Variants in CHST11 observed in about 807,000 individuals in gnomAD.
The protein encoded by CHST11 is carbohydrate sulfotransferase 11.
Under a neutral mutation model 30.4 loss-of-function variants are expected in CHST11, and 9 were observed. The ratio of observed to expected loss-of-function variants is 0.30; its 90% CI spans 0.18 to 0.52. The LOEUF (loss-of-function observed/expected upper bound fraction) is 0.52, where lower values mean the gene tolerates loss of function less well. Among genes scored for constraint, CHST11 ranks in the 20% least tolerant of loss-of-function variants. The probability of loss-of-function intolerance (pLI) is 0.97; values close to 1 mark genes in which losing one functional copy is unlikely to be tolerated. For missense variants in CHST11, 348 were observed against 460.6 expected (o/e 0.76, Z 2.24); for synonymous variants, 152 against 187.8 (o/e 0.81, Z 1.56).
chr12:104,711,707 GC>G (rs1162966530), intron 2 of CHST11, among the ~76,000 whole-genome samples: 1 of 151,806 alleles, frequency 6.6e-6, no homozygotes, highest in East Asian at 1.9e-4. Context: ...GACAAGTGAT[GC>G]TTTAAAAATT....
chr12:104,523,658 G>T (rs1320361887), intron 1 of CHST11, among the ~76,000 whole-genome samples: 4 of 152,108 alleles, frequency 2.6e-5, no homozygotes, highest in Non-Finnish European at 5.9e-5. Flanking sequence ...AATATTTTAT[G>T]TAAAAATGCT....
intron 2 of CHST11, among the ~76,000 whole-genome samples, chr12:104,745,003 A>C (rs895010662): frequency 2.6e-5 from 4 of 151,958 alleles, no homozygotes; most frequent in Admixed American, 2.6e-4. Flanking sequence ...CCTCCCAAGT[A>C]GCTAGGATTA....
At chr12:104,707,234 G>C (rs1016105590) in intron 2 of CHST11, among the ~76,000 whole-genome samples, 10 of 152,234 alleles carry the variant, frequency 6.6e-5, no homozygotes, top group African/African-American at 2.4e-4. Context: ...TTGGCACAAA[G>C]TAACTGCTCA....
intron 1 of CHST11, among the ~76,000 whole-genome samples, chr12:104,587,098 C>T (rs1022580181): frequency 1.3e-5 from 2 of 152,182 alleles, no homozygotes; most frequent in Non-Finnish European, 2.9e-5. Flanking sequence ...CAATTCCTAT[C>T]AGTTATCTTC....
chr12:104,722,736 G>T (rs547107115), intron 2 of CHST11, among the ~76,000 whole-genome samples: 1 of 151,930 alleles, frequency 6.6e-6, no homozygotes, highest in Admixed American at 6.6e-5. Flanking sequence ...CCCCCTGCAG[G>T]TCATCTTTCT....
chr12:104,533,078 C>T (rs755054113), intron 1 of CHST11, among the ~76,000 whole-genome samples: 6 of 152,102 alleles, frequency 3.9e-5, no homozygotes, highest in Non-Finnish European at 7.4e-5. Context: ...GTCTTGCTTC[C>T]AAATCTCTTT....
intron 2 of CHST11, among the ~76,000 whole-genome samples, chr12:104,720,784 A>G (rs2040169421): frequency 6.6e-6 from 1 of 152,174 alleles, no homozygotes; most frequent in South Asian, 2.1e-4. Flanking sequence ...AAAAAAAAAC[A>G]AAACAAGTTC....
At chr12:104,584,176 T>A (rs1246418371) in intron 1 of CHST11, among the ~76,000 whole-genome samples, 2 of 152,234 alleles carry the variant, frequency 1.3e-5, no homozygotes, top group Non-Finnish European at 2.9e-5. Flanking sequence ...TGAGTCATCA[T>A]TTTTAGTGGG....
At chr12:104,599,597 C>T (rs1425265660) in intron 1 of CHST11, among the ~76,000 whole-genome samples, 2 of 152,038 alleles carry the variant, frequency 1.3e-5, no homozygotes, top group Admixed American at 6.5e-5. Context: ...AATTTTTTTC[C>T]GTCTTCTTGG....
chr12:104,590,719 C>T (rs1053835993), intron 1 of CHST11, among the ~76,000 whole-genome samples: 1 of 151,836 alleles, frequency 6.6e-6, no homozygotes, highest in African/African-American at 2.4e-5. Context: ...GCCAGGAGTT[C>T]AAGACCAGCC....
At chr12:104,669,645 G>A (rs1231135818) in intron 2 of CHST11, among the ~76,000 whole-genome samples, 1 of 152,222 alleles carries the variant, frequency 6.6e-6, no homozygotes, top group East Asian at 1.9e-4. Context: ...CGAGGTCAGA[G>A]AGCCTGGCTT....
intron 2 of CHST11, among the ~76,000 whole-genome samples, chr12:104,703,259 C>G (rs1421571302): frequency 6.6e-6 from 1 of 152,180 alleles, no homozygotes. Context: ...ACACCTCGGG[C>G]CTCTCGGACC....
chr12:104,557,530 C>T (rs1344962131), intron 1 of CHST11, among the ~76,000 whole-genome samples: 1 of 151,924 alleles, frequency 6.6e-6, no homozygotes, highest in Non-Finnish European at 1.5e-5. Context: ...TAATGACGGC[C>T]CAGGGGAGAG....
intron 1 of CHST11, among the ~76,000 whole-genome samples, chr12:104,474,065 G>T (rs576183877): frequency 3.9e-5 from 6 of 152,156 alleles, no homozygotes; most frequent in Admixed American, 2.6e-4. Flanking sequence ...AAGCTAAAAG[G>T]GTTTCTGGAT....
chr12:104,562,622 G>A (rs1158913828), intron 1 of CHST11, among the ~76,000 whole-genome samples: 3 of 152,170 alleles, frequency 2.0e-5, no homozygotes, highest in Non-Finnish European at 2.9e-5. Flanking sequence ...ATTATCCAAC[G>A]AAAGGTGATC....
At chr12:104,531,835 A>G (rs1046848270) in intron 1 of CHST11, among the ~76,000 whole-genome samples, 1 of 152,182 alleles carries the variant, frequency 6.6e-6, no homozygotes, top group Non-Finnish European at 1.5e-5. Context: ...TCAATGGCAT[A>G]CACCCTTCCT....
At chr12:104,734,315 T>C (rs1329514611) in intron 2 of CHST11, among the ~76,000 whole-genome samples, 1 of 152,214 alleles carries the variant, frequency 6.6e-6, no homozygotes, top group Non-Finnish European at 1.5e-5. Flanking sequence ...ATCAGAAAGA[T>C]GGTTGGCCTC....
At chr12:104,575,505 T>C (rs1211470327) in intron 1 of CHST11, among the ~76,000 whole-genome samples, 1 of 152,144 alleles carries the variant, frequency 6.6e-6, no homozygotes, top group Non-Finnish European at 1.5e-5. Context: ...GCGAGTCCTC[T>C]GTGATAATCC....
At chr12:104,633,412 C>CTTTTTT (rs34686417) in intron 2 of CHST11, among the ~76,000 whole-genome samples, 12 of 111,880 alleles carry the variant, frequency 1.1e-4, no homozygotes, top group East Asian at 2.7e-4. Context: ...CTCCCTCTGT[C>CTTTTTT]TTTTTTTTTT....
Sources: allele counts gnomAD v4.1 joint callset (sites outside exome capture counted in the v4.1 genomes callset), GRCh38; gene constraint gnomAD v4.1.1; transcripts MANE v1.5; gene names NCBI Gene and HGNC (gene_info 2026-07-23, HGNC 2026-07-21).